The following CTNND2 variants were observed in gnomAD, a reference collection of about 807,000 sequenced individuals.
The protein encoded by CTNND2 is catenin delta 2.
CTNND2 carries 22 observed loss-of-function variants against 144.4 expected under a neutral mutation model. That is an observed-to-expected ratio of 0.15 (90% confidence interval 0.11 to 0.22). The LOEUF (loss-of-function observed/expected upper bound fraction) is 0.22, where lower values mean the gene tolerates loss of function less well. Ranked by LOEUF, CTNND2 falls within the 10% of genes least tolerant of loss-of-function variation. The pLI is 1.00. For synonymous variants in CTNND2, 751 were observed against 695.6 expected, an observed-to-expected ratio of 1.08 and a Z score of -1.25; for missense variants, 1,353 against 1,618.8, an observed-to-expected ratio of 0.84 and a Z score of 2.82.
chr5:11,110,420 G>A (rs16901267), intron 14 of CTNND2, among the ~76,000 whole-genome samples: 3 of 152,060 alleles, frequency 2.0e-5, no homozygotes, highest in African/African-American at 4.8e-5. Flanking sequence ...TAAATGCTTC[G>A]AAACCAGCGA....
At chr5:11,405,954 G>A (rs185937995) in intron 5 of CTNND2, among the ~76,000 whole-genome samples, 42 of 152,218 alleles carry the variant, frequency 2.8e-4, no homozygotes, top group African/African-American at 9.9e-4. Flanking sequence ...TTCAACACCA[G>A]CCTGACCAAC....
intron 9 of CTNND2, among the ~76,000 whole-genome samples, chr5:11,282,871 G>A (rs779339926): frequency 1.3e-5 from 2 of 152,022 alleles, no homozygotes; most frequent in African/African-American, 4.8e-5. Flanking sequence ...TTGTACCATC[G>A]CATACTGATA....
At chr5:11,450,363 T>G (rs1765194201) in intron 3 of CTNND2, among the ~76,000 whole-genome samples, 1 of 152,176 alleles carries the variant, frequency 6.6e-6, no homozygotes, top group African/African-American at 2.4e-5. Flanking sequence ...AACAGAACAG[T>G]CGTGCCTTCA....
intron 10 of CTNND2, among the ~76,000 whole-genome samples, chr5:11,230,110 C>T (rs943923155): frequency 3.7e-4 from 56 of 150,000 alleles, no homozygotes; most frequent in African/African-American, 1.5e-4. Context: ...AGTAAACTAT[C>T]GCAAGAACAA....
intron 3 of CTNND2, among the ~76,000 whole-genome samples, chr5:11,465,354 T>C (rs972824710): frequency 1.3e-4 from 19 of 151,904 alleles, no homozygotes; most frequent in African/African-American, 4.6e-4. Context: ...TTTTCAGAAG[T>C]TGAGCACAGT....
At chr5:11,638,941 G>GTGATC (rs1321113575) in intron 2 of CTNND2, among the ~76,000 whole-genome samples, 3 of 152,134 alleles carry the variant, frequency 2.0e-5, no homozygotes, top group African/African-American at 7.2e-5. Context: ...TCCATGATCT[G>GTGATC]TGACAATTTA....
chr5:10,984,843 G>C (rs1420607337), intron 20 of CTNND2, among the ~76,000 whole-genome samples: 1 of 152,184 alleles, frequency 6.6e-6, no homozygotes. Flanking sequence ...AGAGGATGAG[G>C]CGGGAAGATC....
rs367800737 is a variant in CTNND2, at chr5:11,034,969, C to T, written c.2789-11990G>A. Among the ~76,000 whole-genome samples, 672 of 151,128 alleles carry T rather than the reference C, an allele frequency of 4.4e-3. 6 individuals are homozygous for T. The highest frequency in any genetic ancestry group is 0.016 in the African/African-American group (638 of 41,152). On this transcript the variant is annotated intron_variant, in intron 16 of 21. Coordinates refer to ENST00000304623, the MANE Select transcript of CTNND2 (RefSeq NM_001332.4). ...CATGTGCCATGCTGGTGCGCTGCACCCACTAACTCGTCATCTAGCATTAGG... is the reference window on the plus strand; with the variant it reads ...CATGTGCCATGCTGGTGCGCTGCACTCACTAACTCGTCATCTAGCATTAGG...
intron 9 of CTNND2, among the ~76,000 whole-genome samples, chr5:11,344,130 C>T (rs1011971080): frequency 2.0e-5 from 3 of 152,158 alleles, no homozygotes; most frequent in Admixed American, 2.0e-4. Context: ...TGTTGCCGGG[C>T]GCGGTGGCTC....
At chr5:11,892,620 T>A (rs1456801567) in intron 1 of CTNND2, among the ~76,000 whole-genome samples, 16 of 151,754 alleles carry the variant, frequency 1.1e-4, no homozygotes. Context: ...GCATCAAAGA[T>A]CTTGAGAGAA....
At chr5:11,130,411 C>G (rs1242584604) in intron 12 of CTNND2, among the ~76,000 whole-genome samples, 1 of 152,096 alleles carries the variant, frequency 6.6e-6, no homozygotes, top group Non-Finnish European at 1.5e-5. Context: ...CAGAGAAGCC[C>G]AGAGCGGAAC....
At chr5:11,067,915 A>T (rs183853370) in intron 16 of CTNND2, among the ~76,000 whole-genome samples, 1 of 152,148 alleles carries the variant, frequency 6.6e-6, no homozygotes, top group African/African-American at 2.4e-5. Flanking sequence ...TACTCTCTCT[A>T]TATATAGTAT....
chr5:11,888,799 T>C lies in CTNND2; in HGVS notation c.37+15018A>G, dbSNP rs190427119. On this transcript the variant is annotated intron_variant, in intron 1 of 21. Transcript: ENST00000304623. Reference sequence around the variant, plus strand: ...TCTCACTCTGTCACCCAGGCTGGAGTGAGGTGGCACAATCTCAGCTCACTG... The same window carrying C: ...TCTCACTCTGTCACCCAGGCTGGAGCGAGGTGGCACAATCTCAGCTCACTG... 2.1e-3 allele frequency among the ~76,000 whole-genome samples: 313 copies of C among 149,770 alleles called. 1 individual carries two copies. The highest frequency in any genetic ancestry group is 2.8e-3 in the Admixed American group (42 of 14,818).
intron 2 of CTNND2, among the ~76,000 whole-genome samples, chr5:11,679,426 T>C (rs892161802): frequency 6.6e-6 from 1 of 152,214 alleles, no homozygotes; most frequent in Non-Finnish European, 1.5e-5. Context: ...CATTGAAGTC[T>C]CAGTTTTATA....
chr5:11,606,376 C>G (rs780896264), intron 2 of CTNND2, among the ~76,000 whole-genome samples: 2 of 152,168 alleles, frequency 1.3e-5, no homozygotes, highest in Non-Finnish European at 2.9e-5. Flanking sequence ...TACCAATTCA[C>G]TTTGGCAGAA....
At chr5:11,366,000 A>C (rs1274002855) in intron 7 of CTNND2, among the ~76,000 whole-genome samples, 1 of 152,212 alleles carries the variant, frequency 6.6e-6, no homozygotes, top group African/African-American at 2.4e-5. Context: ...AATGGGATTT[A>C]ACTGGCAACT....
Position 11,553,317 on chromosome 5 carries a change from T to C in CTNND2, c.287+11627A>G, listed in dbSNP as rs1163977293. ...CTGTGTGGTTGTCTAGACTATATTA[T>C]GAAGGAGACAAACATGGTACTACTC... On this transcript the variant is annotated intron_variant, in intron 3 of 21. Transcript: ENST00000304623. Among the ~76,000 whole-genome samples the C allele has an allele frequency of 3.9e-5, 6 of 152,332 alleles. No individual in the cohort carries two copies. In the South Asian group the frequency reaches 1.2e-3, roughly 32 times the overall value.
chr5:11,621,922 T>C (rs983762111), intron 2 of CTNND2, among the ~76,000 whole-genome samples: 7 of 152,242 alleles, frequency 4.6e-5, no homozygotes, highest in Non-Finnish European at 1.0e-4. Flanking sequence ...TGTCCCAAAC[T>C]CTTTGCATCT....
In CTNND2 at chr5:11,497,699, C is replaced by T. The variant is rs546753797; in HGVS notation, c.287+67245G>A. On this transcript the variant is annotated intron_variant, in intron 3 of 21. Coordinates refer to ENST00000304623, the MANE Select transcript of CTNND2 (RefSeq NM_001332.4). ...TTGACTTGTGTGTGTGAATCATCCA[C>T]GAATCTAGTGTGTATAAGTCAGAAA... Among the ~76,000 whole-genome samples the T allele has an allele frequency of 5.3e-5, 8 of 150,894 alleles. No homozygotes were observed. The East Asian group carries it at 5.8e-4, about 11-fold the overall frequency.
Sources: gnomAD v4.1 joint callset for allele counts (sites outside exome capture counted in the v4.1 genomes callset) on GRCh38, gnomAD v4.1.1 for gene constraint, MANE v1.5 for transcripts, NCBI Gene and HGNC (gene_info 2026-07-23, HGNC 2026-07-21) for gene names.